Variants in ACER2 observed in about 807,000 individuals in gnomAD.
ACER2 encodes the protein alkaline ceramidase 2.
ACER2 carries 26 observed loss-of-function variants against 34.7 expected under a neutral mutation model. That is an observed-to-expected ratio of 0.75 (90% CI 0.55 to 1.04). The LOEUF is 1.04. ACER2 is among the 50% of genes least tolerant of loss of function. ACER2 has a pLI of 0.00. For synonymous variants in ACER2, 138 were observed against 132.1 expected (o/e 1.04, Z -0.31); for missense variants, 352 against 340.8 (o/e 1.03, Z -0.26).
chr9:19,409,937 T>G, intron 1 of ACER2: 1 of 985,388 alleles, frequency 1.0e-6, no homozygotes, highest in Non-Finnish European at 1.2e-6. Context: ...CATTGCAGAA[T>G]CCTGTGTGAT....
intron 3 of ACER2, among the ~76,000 whole-genome samples, chr9:19,426,900 A>T (rs1440761933): frequency 6.6e-6 from 1 of 152,114 alleles, no homozygotes; most frequent in Non-Finnish European, 1.5e-5. Flanking sequence ...AAAAAAAATA[A>T]TGAAAGCATA....
chr9:19,428,389 A>T (rs964171935), intron 3 of ACER2, among the ~76,000 whole-genome samples: 7 of 151,802 alleles, frequency 4.6e-5, no homozygotes, highest in Non-Finnish European at 7.4e-5. Context: ...GCTGGTCTCG[A>T]ACTCCTCACC....
At chr9:19,416,464 C>G (rs1157461281) in intron 1 of ACER2, among the ~76,000 whole-genome samples, 1 of 152,114 alleles carries the variant, frequency 6.6e-6, no homozygotes, top group East Asian at 1.9e-4. Context: ...GCCCTGGAGC[C>G]TTTCAGGGCC....
intron 1 of ACER2, among the ~76,000 whole-genome samples, chr9:19,418,815 C>T (rs1589036983): frequency 6.6e-6 from 1 of 152,028 alleles, no homozygotes; most frequent in East Asian, 1.9e-4. Flanking sequence ...GCACGTTCTG[C>T]ACATATATCC....
In ACER2 at chr9:19,449,911, A is replaced by AAAAAAT. The variant is rs1337770083; in HGVS notation, c.642-539_642-538insAAAAAT. The stretch of plus-strand genomic sequence containing the variant: ...CATTTAAAAAAAAAAAAAAAAAAAA[A>AAAAAAT]GGATTACATGCTTTTAAATGGTCTA... On this transcript the variant is annotated intron_variant, in intron 5 of 5. Coordinates refer to ENST00000340967, the MANE Select transcript of ACER2 (RefSeq NM_001010887.3). Among the ~76,000 whole-genome samples the AAAAAAT allele has an allele frequency of 3.9e-3, 573 of 147,818 alleles. 5 individuals carry two copies. Among genetic ancestry groups the AAAAAAT allele is most frequent in the African/African-American group, 0.014 (543 of 38,648 alleles).
At chr9:19,429,364 C>T (rs1460146415) in intron 3 of ACER2, among the ~76,000 whole-genome samples, 1 of 152,168 alleles carries the variant, frequency 6.6e-6, no homozygotes, top group Admixed American at 6.6e-5. Context: ...CAGGATCTCA[C>T]TCTGTTGCCC....
At chr9:19,441,702 C>G (rs1230873642) in intron 4 of ACER2, among the ~76,000 whole-genome samples, 1 of 152,102 alleles carries the variant, frequency 6.6e-6, no homozygotes, top group Non-Finnish European at 1.5e-5. Context: ...TTGTCTGTCC[C>G]CTCTGCTGAA....
In ACER2 at chr9:19,423,914, G is replaced by C; in HGVS notation, c.161G>C (p.Arg54Pro). ...ILPPICMCLF[R>P]QYATCFNSGI... is the part of the protein sequence containing the mutation. ...CCGCCCATCTGCATGTGCTTGTTTC[G>C]TCAGTATGCAACATGCTTCAACAGT... Residue 54 changes from arginine (R) to proline (P), a missense_variant, in exon 2 of 6, where the codon CGT (arginine) becomes CCT (proline). Physicochemically the swap from Arg to Pro is moderately radical, Grantham distance 103. Coordinates refer to ENST00000340967, the MANE Select transcript of ACER2 (RefSeq NM_001010887.3). 6.2e-7 allele frequency: 1 copy of C among 1,613,904 alleles called. No individual in the cohort carries two copies. The highest frequency in any genetic ancestry group is 8.5e-7 in the Non-Finnish European group (1 of 1,179,962).
At position 19,450,574 on chromosome 9, in the gene ACER2, A is replaced by C. The variant is rs1328632909; in HGVS notation, c.766A>C (p.Ile256Leu). ...KFWPNEKWAF[I>L]GVPYVSLLCA... ...CTGGCCCAATGAGAAATGGGCCTTC[A>C]TTGGTGTCCCCTATGTGTCCCTCCT... Residue 256 changes from isoleucine (I) to leucine (L), a missense_variant, in exon 6 of 6, where the codon ATT (isoleucine) becomes CTT (leucine). Ile to Leu is a conservative substitution (Grantham distance 5). Coordinates refer to ENST00000340967, the MANE Select transcript of ACER2 (RefSeq NM_001010887.3). 2 of 1,608,770 alleles carry C rather than the reference A, an allele frequency of 1.2e-6. No homozygotes were observed. Among genetic ancestry groups the C allele is most frequent in the African/African-American group, 2.7e-5 (2 of 74,880 alleles).
At chr9:19,414,709 C>G (rs566216118) in intron 1 of ACER2, among the ~76,000 whole-genome samples, 7 of 152,210 alleles carry the variant, frequency 4.6e-5, no homozygotes, top group African/African-American at 1.7e-4. Flanking sequence ...AGGCTGAGAT[C>G]AAGGCTGCAG....
intron 5 of ACER2, among the ~76,000 whole-genome samples, chr9:19,449,110 A>G (rs1030436883): frequency 6.6e-6 from 1 of 152,236 alleles, no homozygotes; most frequent in Admixed American, 6.5e-5. Flanking sequence ...AGCCTGAGCA[A>G]CAGAGTGAGA....
At position 19,409,134 on chromosome 9, in the gene ACER2, T is replaced by G. The variant is rs759360813; in HGVS notation, c.50T>G (p.Val17Gly). 5.6e-6 allele frequency: 9 copies of G among 1,605,172 alleles called. No homozygotes were observed. In the South Asian group the frequency reaches 9.0e-5, roughly 16 times the overall value. ...CAGCTGCAGGCTGGTAGCTCGGAGGTGGACTGGTGCGAGGACAACTACACC... is the reference window on the plus strand; with the variant it reads ...CAGCTGCAGGCTGGTAGCTCGGAGGGGGACTGGTGCGAGGACAACTACACC... Reference protein sequence around the residue: ...WDQLQAGSSEVDWCEDNYTIV... With the variant: ...WDQLQAGSSEGDWCEDNYTIV... The change falls in exon 1 of 6, where the codon GTG becomes GGG. Residue 17 changes from valine (V) to glycine (G), a missense_variant. Coordinates refer to ENST00000340967, the MANE Select transcript of ACER2 (RefSeq NM_001010887.3).
At chr9:19,416,060 C>T (rs1589033857) in intron 1 of ACER2, among the ~76,000 whole-genome samples, 1 of 144,944 alleles carries the variant, frequency 6.9e-6, no homozygotes, top group African/African-American at 2.5e-5. Flanking sequence ...AACTTTATTC[C>T]TTTTTTTTTT....
At chr9:19,429,115 G>A (rs1044717319) in intron 3 of ACER2, among the ~76,000 whole-genome samples, 1 of 151,730 alleles carries the variant, frequency 6.6e-6, no homozygotes, top group Admixed American at 6.6e-5. Context: ...TGTAATAGTT[G>A]TACATATTTT....
rs544319445 is a variant in ACER2 at position 19,435,232 on chromosome 9, G to C, written c.503+148G>C. ...ACTGTTGGATGGAAGCAATTTGATG[G>C]TTTGGTTCAAAATACTGGTAATCTC... On this transcript the variant is annotated intron_variant, in intron 4 of 5. Coordinates refer to ENST00000340967, the MANE Select transcript of ACER2 (RefSeq NM_001010887.3). 5 of 1,095,584 alleles carry C rather than the reference G, an allele frequency of 4.6e-6. No homozygotes were observed. The East Asian group carries it at 1.1e-4, about 23-fold the overall frequency. 67.9% of individuals were successfully genotyped at this position (1,095,584 alleles called of 1,614,324 possible). A position where few individuals can be genotyped will look rare whatever the true frequency, so the allele number is the denominator to read the frequency against.
At chr9:19,435,927 T>TA (rs1163368676) in intron 4 of ACER2, among the ~76,000 whole-genome samples, 2 of 151,966 alleles carry the variant, frequency 1.3e-5, no homozygotes, top group Non-Finnish European at 2.9e-5. Context: ...CGGGCGCCTG[T>TA]AGTCCCAGCT....
At chr9:19,410,639 G>A (rs545437444) in intron 1 of ACER2, among the ~76,000 whole-genome samples, 24 of 152,338 alleles carry the variant, frequency 1.6e-4, no homozygotes, top group Admixed American at 9.8e-4. Context: ...GAGCCTGGGA[G>A]TTGAAGGCTG....
At chr9:19,432,353 T>A (rs1043081068) in intron 3 of ACER2, among the ~76,000 whole-genome samples, 2 of 152,170 alleles carry the variant, frequency 1.3e-5, no homozygotes, top group African/African-American at 4.8e-5. Context: ...TTGTGAATGG[T>A]CTCTGTTTTA....
intron 4 of ACER2, among the ~76,000 whole-genome samples, chr9:19,444,858 C>G (rs1831301843): frequency 2.0e-5 from 3 of 152,206 alleles, no homozygotes; most frequent in Admixed American, 2.0e-4. Flanking sequence ...TCTATTCTTT[C>G]TAAAAACTTT....
Sources: allele counts gnomAD v4.1 joint callset (sites outside exome capture counted in the v4.1 genomes callset), GRCh38; gene constraint gnomAD v4.1.1; transcripts MANE v1.5; gene names NCBI Gene and HGNC (gene_info 2026-07-23, HGNC 2026-07-21).